The following ZYG11B variants were observed in gnomAD, a reference collection of about 807,000 sequenced individuals.
ZYG11B encodes the protein protein zyg-11 homolog B.
ZYG11B carries 36 observed loss-of-function variants against 82.4 expected under a neutral mutation model. The ratio of observed to expected loss-of-function variants is 0.44; its 90% confidence interval spans 0.33 to 0.58. ZYG11B has a LOEUF of 0.58. ZYG11B is among the 20% of genes least tolerant of loss of function. The probability of loss-of-function intolerance (pLI) is 0.02; values close to 1 mark genes in which losing one functional copy is unlikely to be tolerated. For synonymous variants in ZYG11B, 303 were observed against 312.8 expected, an observed-to-expected ratio of 0.97 and a Z score of 0.33; for missense variants, 552 against 895.6, an observed-to-expected ratio of 0.62 and a Z score of 4.90.
intron 10 of ZYG11B, chr1:52,805,277 A>AG (rs1447773676): frequency 5.9e-6 from 2 of 339,030 alleles, no homozygotes; most frequent in Non-Finnish European, 1.2e-5. Context: ...GAGTTAAAAA[A>AG]TGTAAATTGG....
chr1:52,749,684 A>G (rs565795271), intron 1 of ZYG11B, among the ~76,000 whole-genome samples: 2 of 151,850 alleles, frequency 1.3e-5, no homozygotes, highest in African/African-American at 2.4e-5. Context: ...GCTCACCGCA[A>G]CCTCCGCCTC....
intron 2 of ZYG11B, among the ~76,000 whole-genome samples, chr1:52,757,443 A>G (rs561912414): frequency 2.0e-4 from 31 of 152,080 alleles, no homozygotes; most frequent in South Asian, 4.2e-4. Context: ...TGGGAGGCCG[A>G]GGCAGGTGAA....
At chr1:52,731,161 T>A (rs1258562830) in intron 1 of ZYG11B, among the ~76,000 whole-genome samples, 2 of 151,706 alleles carry the variant, frequency 1.3e-5, no homozygotes, top group African/African-American at 2.4e-5. Flanking sequence ...TAATCCCAGC[T>A]ACTCGGGAGG....
At chr1:52,790,863 G>A (rs1644952856) in intron 6 of ZYG11B, among the ~76,000 whole-genome samples, 1 of 142,740 alleles carries the variant, frequency 7.0e-6, no homozygotes, top group African/African-American at 2.7e-5. Flanking sequence ...GAGAGGTTAA[G>A]GGAGGCCATA....
At chr1:52,752,774 A>C (rs928576096) in intron 1 of ZYG11B, among the ~76,000 whole-genome samples, 2 of 152,148 alleles carry the variant, frequency 1.3e-5, no homozygotes, top group Admixed American at 1.3e-4. Flanking sequence ...TGGTGTCAGA[A>C]CTGGTTGTTG....
At position 52,781,982 on chromosome 1, in the gene ZYG11B, C is replaced by G. The variant is rs76472689; in HGVS notation, c.1092+1989C>G. ...AACTGAGCAACAGAAGACTAGATCT[C>G]TAGTCTTGATCTGAAATATTCATTC... On this transcript the variant is annotated intron_variant, in intron 4 of 13. Coordinates refer to ENST00000294353, the MANE Select transcript of ZYG11B (RefSeq NM_024646.3). Among the ~76,000 whole-genome samples, 72 of 151,594 alleles carry G rather than the reference C, an allele frequency of 4.7e-4. No homozygotes were observed. The East Asian group carries it at 0.01, about 22-fold the overall frequency.
intron 8 of ZYG11B, among the ~76,000 whole-genome samples, chr1:52,797,394 CAT>C (rs1491386127): frequency 9.6e-5 from 5 of 52,296 alleles, no homozygotes; most frequent in East Asian, 6.4e-4. Flanking sequence ...ACATATATAT[CAT>C]ATATGAAATA....
intron 8 of ZYG11B, among the ~76,000 whole-genome samples, chr1:52,798,256 C>T (rs1446563458): frequency 2.0e-5 from 3 of 152,142 alleles, no homozygotes; most frequent in Non-Finnish European, 4.4e-5. Flanking sequence ...TAGGATCTAG[C>T]TTGTAAACTC....
At chr1:52,731,909 C>T (rs774486478) in intron 1 of ZYG11B, among the ~76,000 whole-genome samples, 2 of 152,160 alleles carry the variant, frequency 1.3e-5, no homozygotes, top group African/African-American at 2.4e-5. Flanking sequence ...CCCAAGCCAT[C>T]CTCCCGCCTC....
chr1:52,797,776 TG>T (rs919321038), intron 8 of ZYG11B, among the ~76,000 whole-genome samples: 4 of 150,938 alleles, frequency 2.7e-5, no homozygotes, highest in African/African-American at 7.3e-5. Context: ...CCCAAAGTGC[TG>T]GGATTACAGG....
chr1:52,797,999 C>T (rs956565516), intron 8 of ZYG11B, among the ~76,000 whole-genome samples: 7 of 151,950 alleles, frequency 4.6e-5, no homozygotes, highest in Admixed American at 1.3e-4. Flanking sequence ...GGCACATGCC[C>T]GTGGTTCCAA....
intron 2 of ZYG11B, among the ~76,000 whole-genome samples, chr1:52,764,331 C>T (rs1263956450): frequency 1.3e-5 from 2 of 149,910 alleles, no homozygotes; most frequent in African/African-American, 4.9e-5. Context: ...GATAGGGTTT[C>T]GCCATGTTGA....
intron 1 of ZYG11B, among the ~76,000 whole-genome samples, chr1:52,744,077 C>T (rs570191088): frequency 9.9e-4 from 150 of 152,228 alleles, no homozygotes; most frequent in African/African-American, 3.5e-3. Flanking sequence ...GCTAGGACTA[C>T]AGGCACAAGC....
chr1:52,731,482 T>A (rs1644332462), intron 1 of ZYG11B, among the ~76,000 whole-genome samples: 1 of 152,162 alleles, frequency 6.6e-6, no homozygotes, highest in African/African-American at 2.4e-5. Flanking sequence ...GCAACAGGAA[T>A]TTTATATTTC....
chr1:52,784,148 T>C lies in ZYG11B; in HGVS notation c.1093-729T>C, dbSNP rs538199342. On this transcript the variant is annotated intron_variant, in intron 4 of 13. Transcript: ENST00000294353. ...CTGGGATTACAGGCACGTGCCACCA[T>C]GCCCAGCTACTTTCTGTATTTTTAG... Among the ~76,000 whole-genome samples, 9 of 152,170 alleles carry C rather than the reference T, an allele frequency of 5.9e-5. No individual in the cohort carries two copies. The South Asian group carries it at 1.2e-3, about 21-fold the overall frequency.
At chr1:52,742,523 ATG>A (rs1032618477) in intron 1 of ZYG11B, among the ~76,000 whole-genome samples, 1 of 152,000 alleles carries the variant, frequency 6.6e-6, no homozygotes, top group Non-Finnish European at 1.5e-5. Context: ...CAGCTGTACA[ATG>A]TGTTTATGTT....
intron 12 of ZYG11B, among the ~76,000 whole-genome samples, chr1:52,814,944 A>T (rs969723160): frequency 6.6e-6 from 1 of 151,864 alleles, no homozygotes; most frequent in Non-Finnish European, 1.5e-5. Flanking sequence ...GATCACTTCA[A>T]TCCAGGAGTT....
intron 2 of ZYG11B, among the ~76,000 whole-genome samples, chr1:52,769,395 T>C (rs993940641): frequency 4.6e-5 from 7 of 152,240 alleles, no homozygotes; most frequent in Non-Finnish European, 2.9e-5. Context: ...AATGATCATT[T>C]CAACCTGTAG....
At chr1:52,726,723 A>ACCCTAGCCCCCGCCC in intron 1 of ZYG11B, 40 bp downstream of exon 1, 1 of 1,436,060 alleles carries the variant, frequency 7.0e-7, no homozygotes, top group Non-Finnish European at 9.1e-7. Flanking sequence ...GCCGCCCGCC[A>ACCCTAGCCCCCGCCC]CCCTAGCCCC....
Sources: allele counts gnomAD v4.1 joint callset (sites outside exome capture counted in the v4.1 genomes callset), GRCh38; gene constraint gnomAD v4.1.1; transcripts MANE v1.5; gene names NCBI Gene and HGNC (gene_info 2026-07-23, HGNC 2026-07-21).